Variants in ZBED6 observed in about 807,000 individuals in gnomAD.
ZBED6 encodes zinc finger BED domain-containing protein 6.
Under a neutral mutation model 58.4 loss-of-function variants are expected in ZBED6, and 40 were observed. That is an observed-to-expected ratio of 0.68 (90% CI 0.53 to 0.89). ZBED6 has a LOEUF of 0.89. Ranked by LOEUF, ZBED6 falls within the 40% of genes least tolerant of loss-of-function variation. ZBED6 has a pLI of 0.00. For missense variants in ZBED6, 1,057 were observed against 1,003.9 expected, an observed-to-expected ratio of 1.05 and a Z score of -0.71; for synonymous variants, 439 against 350.6, an observed-to-expected ratio of 1.25 and a Z score of -2.82.
intron 11 of ZBED6, among the ~76,000 whole-genome samples, chr1:203,846,548 C>T (rs1300177656): frequency 1.3e-5 from 2 of 152,218 alleles, no homozygotes; most frequent in African/African-American, 4.8e-5. Context: ...TTACCATACT[C>T]TGCTATAGCT....
rs559017703 is a variant in ZBED6 at position 203,820,238 on chromosome 1, A to G, written c.*2873+1549A>G. Among the ~76,000 whole-genome samples the G allele has an allele frequency of 5.5e-3, 744 of 135,678 alleles. 7 individuals carry two copies. Among genetic ancestry groups the G allele is most frequent in the Non-Finnish European group, 8.3e-3 (532 of 63,840 alleles). 89.0% of individuals were successfully genotyped at this position (135,678 alleles called of 152,430 possible). A position where few individuals can be genotyped will look rare whatever the true frequency, so the allele number is the denominator to read the frequency against. On this transcript the variant is annotated intron_variant, in intron 3 of 16. Coordinates refer to ENST00000550078, the Ensembl canonical transcript of ZBED6. ...TGACAGGGCGAGACTCCATCTCAAG[A>G]AAAAAAAAAAAAAAGCCCAAATTCA... is the stretch of plus-strand genomic sequence containing the variant.
intron 1 of ZBED6, among the ~76,000 whole-genome samples, chr1:203,816,097 C>G (rs1676284653): frequency 6.6e-6 from 1 of 152,152 alleles, no homozygotes; most frequent in Non-Finnish European, 1.5e-5. Flanking sequence ...GTTATTCTAG[C>G]TAAACAGGGT....
At chr1:203,850,597 G>A (rs764661487) in exon 15 of ZBED6, 78 of 1,613,984 alleles carry the variant, frequency 4.8e-5, no homozygotes, top group Non-Finnish European at 6.4e-5. Context: ...AGGCAGTGGA[G>A]ATGCACGCTG....
rs1172562275 is a variant in ZBED6, at chr1:203,797,818, C to T, written c.296C>T (p.Pro99Leu). The change falls in exon 1 of 17, where the codon CCT becomes CTT. Residue 99 changes from proline (P) to leucine (L), a missense_variant. Pro to Leu is a moderately conservative substitution (Grantham distance 98, BLOSUM62 -3). Transcript: ENST00000550078. The stretch of plus-strand genomic sequence containing the variant: ...TCTGGGAGGCCTGTTGCAGATGCCC[C>T]TGCTTTGTTAGCTTCCAATGACCCT... 6 of 1,535,958 alleles carry T rather than the reference C, an allele frequency of 3.9e-6. No individual in the cohort carries two copies. The African/African-American group carries it at 5.5e-5, about 14-fold the overall frequency.
exon 16 of ZBED6, chr1:203,851,114 C>T (rs765738552): frequency 1.7e-5 from 27 of 1,614,160 alleles, no homozygotes; most frequent in South Asian, 2.2e-5. Flanking sequence ...AGCAGAAAAT[C>T]CTAGAGACAG....
intron 8 of ZBED6, among the ~76,000 whole-genome samples, chr1:203,833,385 C>A (rs12076544): frequency 0.14 from 17,472 of 121,928 alleles, 1,310 homozygotes; most frequent in Non-Finnish European, 0.16. Context: ...AAAAAAAAAA[C>A]ACCAGGTGTG....
At chr1:203,817,443 T>C (rs1219170271) in intron 2 of ZBED6, among the ~76,000 whole-genome samples, 1 of 149,982 alleles carries the variant, frequency 6.7e-6, no homozygotes, top group Admixed American at 6.6e-5. Flanking sequence ...TTACTAACTT[T>C]GATTTTATAT....
chr1:203,815,027 G>A (rs185101272), intron 1 of ZBED6: 126 of 151,492 alleles, frequency 8.3e-4, no homozygotes, highest in African/African-American at 2.6e-3. Context: ...ATGGGGTTTC[G>A]CCATGTTGTC....
At chr1:203,840,131 G>A (rs1685640766) in intron 10 of ZBED6, among the ~76,000 whole-genome samples, 175 bp from the exon 11 acceptor site, 2 of 151,836 alleles carry the variant, frequency 1.3e-5, no homozygotes, top group Admixed American at 1.3e-4. Flanking sequence ...TAGAGATGGG[G>A]TTTCACCATG....
At chr1:203,805,300 T>A (rs929247301) in intron 1 of ZBED6, among the ~76,000 whole-genome samples, 1 of 151,460 alleles carries the variant, frequency 6.6e-6, no homozygotes, top group African/African-American at 2.4e-5. Context: ...CCCGGCTAAT[T>A]TTTTGTATTT....
intron 1 of ZBED6, among the ~76,000 whole-genome samples, chr1:203,806,979 A>G (rs1672622596): frequency 1.3e-5 from 2 of 151,948 alleles, no homozygotes; most frequent in South Asian, 2.1e-4. Context: ...AGTAAATATA[A>G]TGAGTTTCCT....
At chr1:203,796,839 A>G in exon 1 of ZBED6, 1 of 166,116 alleles carries the variant, frequency 6.0e-6, no homozygotes, top group Non-Finnish European at 1.3e-5. Flanking sequence ...TTCTCAAAGC[A>G]TTTTTTTCCA....
chr1:203,840,454 T>TG, intron 11 of ZBED6, 80 bp downstream of exon 11: 1 of 1,397,662 alleles, frequency 7.2e-7, no homozygotes, highest in Non-Finnish European at 9.9e-7. Flanking sequence ...ATTTACCTGT[T>TG]GCTTGCTAGG....
chr1:203,813,619 G>A (rs971566592), intron 1 of ZBED6, among the ~76,000 whole-genome samples: 1 of 152,054 alleles, frequency 6.6e-6, no homozygotes, highest in Non-Finnish European at 1.5e-5. Context: ...TCACAAACTG[G>A]GTAGCTACAG....
chr1:203,805,817 A>T (rs1327177540), intron 1 of ZBED6: 1 of 864,100 alleles, frequency 1.2e-6, no homozygotes, highest in Admixed American at 1.8e-5. Flanking sequence ...GGGCCGCCAT[A>T]ACTGCGACTC....
intron 3 of ZBED6, among the ~76,000 whole-genome samples, chr1:203,820,474 G>GTGTGTGTGTGTGTC (rs912401897): frequency 6.6e-6 from 1 of 151,970 alleles, no homozygotes; most frequent in Admixed American, 6.6e-5. Flanking sequence ...AATTATGTGT[G>GTGTGTGTGTGTGTC]TGTGTGTGTA....
chr1:203,809,495 G>A (rs924260310), intron 1 of ZBED6, among the ~76,000 whole-genome samples: 1 of 151,976 alleles, frequency 6.6e-6, no homozygotes, highest in South Asian at 2.1e-4. Context: ...TTTCATAGTG[G>A]TATGTTCATT....
chr1:203,836,008 T>C lies in ZBED6; in HGVS notation c.*3574-1958T>C, dbSNP rs143582046. ...GTATTTTAATATCTCAGCATGTATT[T>C]AGAGTACAAACCAAACCAGGGTTCC... On this transcript the variant is annotated intron_variant, in intron 9 of 16. Transcript: ENST00000550078. The C allele has an allele frequency of 2.9e-4, 45 of 155,692 alleles. 1 individual carries two copies. The East Asian group carries it at 7.8e-3, about 27-fold the overall frequency. 9.6% of individuals were successfully genotyped at this position (155,692 alleles called of 1,614,324 possible).
At chr1:203,831,379 T>TA (rs1682310556) in intron 7 of ZBED6, among the ~76,000 whole-genome samples, 1 of 152,178 alleles carries the variant, frequency 6.6e-6, no homozygotes, top group Non-Finnish European at 1.5e-5. Context: ...TTTAGAATAA[T>TA]ACTAGCTTTA....
Sources: gnomAD v4.1 joint callset for allele counts (sites outside exome capture counted in the v4.1 genomes callset) on GRCh38, gnomAD v4.1.1 for gene constraint, MANE v1.5 for transcripts, NCBI Gene and HGNC (gene_info 2026-07-23, HGNC 2026-07-21) for gene names.